DMD: variants seen among roughly 807,000 people sequenced by gnomAD.
The protein encoded by DMD is mutant dystrophin.
DMD carries 63 observed loss-of-function variants against 330.1 expected under a neutral mutation model. The observed-to-expected ratio is 0.19, with a 90% CI of 0.16 to 0.24. The LOEUF is 0.24. Ranked by LOEUF, DMD falls within the 10% of genes least tolerant of loss-of-function variation. DMD has a pLI of 1.00. For missense variants in DMD, 3,344 were observed against 2,684.1 expected (o/e 1.25, Z -5.43); for synonymous variants, 1,223 against 959.8 (o/e 1.27, Z -5.07).
At chrX:32,687,584 C>T (rs780135801) in intron 9 of DMD, among the ~76,000 whole-genome samples, 210 of 110,649 alleles carry the variant, frequency 1.9e-3, no homozygotes, top group Non-Finnish European at 3.4e-3. Context: ...TAAATAAGGC[C>T]ACATATACAT....
At chrX:31,842,387 A>C (rs749972184) in intron 48 of DMD, among the ~76,000 whole-genome samples, 2 of 112,420 alleles carry the variant, frequency 1.8e-5, no homozygotes, top group Non-Finnish European at 3.8e-5. Flanking sequence ...AGGGTTTAGA[A>C]TATTCTGTAA....
intron 30 of DMD, among the ~76,000 whole-genome samples, chrX:32,393,094 T>A (rs920956165): frequency 8.9e-6 from 1 of 112,240 alleles, no homozygotes; most frequent in Non-Finnish European, 1.9e-5. Context: ...AACACAGGCA[T>A]TAGTCCCTTC....
intron 43 of DMD, among the ~76,000 whole-genome samples, chrX:32,237,669 G>T (rs964547226): frequency 8.9e-6 from 1 of 111,874 alleles, no homozygotes; most frequent in South Asian, 3.7e-4. Flanking sequence ...AAATGAAAAT[G>T]ACATATATCA....
chrX:32,543,900 C>T (rs182640181), intron 17 of DMD, among the ~76,000 whole-genome samples: 33 of 111,811 alleles, frequency 3.0e-4, no homozygotes, highest in African/African-American at 9.7e-4. Context: ...CGTTGTAATG[C>T]GAAAGTAATC....
chrX:31,542,344 G>A (rs1158203653), intron 55 of DMD, among the ~76,000 whole-genome samples: 1 of 111,677 alleles, frequency 9.0e-6, no homozygotes, highest in Admixed American at 9.5e-5. Flanking sequence ...GATAACATTG[G>A]GAGAAGTAGT....
chrX:31,752,824 T>G (rs928937438), intron 51 of DMD, among the ~76,000 whole-genome samples: 5 of 111,479 alleles, frequency 4.5e-5, no homozygotes, highest in African/African-American at 1.6e-4. Flanking sequence ...TCATAAACAT[T>G]AAGCCTTCTT....
At chrX:33,298,099 A>G (rs1339267800) in intron 1 of DMD, among the ~76,000 whole-genome samples, 1 of 111,453 alleles carries the variant, frequency 9.0e-6, no homozygotes, top group Non-Finnish European at 1.9e-5. Context: ...AGTATCCCTA[A>G]ATGATTTCAA....
chrX:32,144,153 C>A (rs2096767642), intron 44 of DMD, among the ~76,000 whole-genome samples: 1 of 111,883 alleles, frequency 8.9e-6, no homozygotes, highest in South Asian at 3.7e-4. Flanking sequence ...GAAGATGCCG[C>A]AACTGATTTC....
At chrX:31,588,058 AT>A (rs1477608608) in intron 55 of DMD, among the ~76,000 whole-genome samples, 2 of 111,795 alleles carry the variant, frequency 1.8e-5, no homozygotes, top group Non-Finnish European at 3.8e-5. Flanking sequence ...GGTCATCTGC[AT>A]ATTAACAAGT....
chrX:32,899,506 G>A (rs142652320), intron 2 of DMD, among the ~76,000 whole-genome samples: 1,560 of 108,182 alleles, frequency 0.014, 29 homozygotes, highest in African/African-American at 0.05. Flanking sequence ...AAACCCCGTC[G>A]CTACTAAAAA....
At chrX:31,258,354 G>C (rs1006143466) in intron 63 of DMD, among the ~76,000 whole-genome samples, 1 of 112,201 alleles carries the variant, frequency 8.9e-6, no homozygotes, top group African/African-American at 3.2e-5. Flanking sequence ...CAATAGGCCC[G>C]CAATAAATGG....
At chrX:32,427,094 A>G (rs757086184) in intron 29 of DMD, among the ~76,000 whole-genome samples, 1 of 111,995 alleles carries the variant, frequency 8.9e-6, no homozygotes. Context: ...ATATATACCC[A>G]GAACATAAAA....
intron 41 of DMD, among the ~76,000 whole-genome samples, chrX:32,314,837 G>T (rs935305697): frequency 1.1e-4 from 12 of 111,850 alleles, no homozygotes; most frequent in African/African-American, 3.9e-4. Context: ...ACCACAACGA[G>T]ATAGCATCTC....
chrX:31,326,915 T>C (rs1056830758), intron 61 of DMD, among the ~76,000 whole-genome samples: 11 of 112,278 alleles, frequency 9.8e-5, no homozygotes, highest in African/African-American at 3.2e-4. Context: ...CTTATCTCAG[T>C]GTACCAGTGG....
chrX:32,343,222 C>T lies in DMD; in HGVS notation c.5651G>A (p.Arg1884Lys). The T allele has an allele frequency of 8.3e-7, 1 of 1,208,405 alleles. No homozygotes were observed. The highest frequency in any genetic ancestry group is 1.1e-6 in the Non-Finnish European group (1 of 892,842). ...GCATTTCAGGAGATCATCAGCCTGC[C>T]TCTTGTACTGATACCACTGATGAGA... Reference protein sequence around the residue: ...EISHQWYQYKRQADDLLKCLD... With the variant: ...EISHQWYQYKKQADDLLKCLD... Residue 1884 changes from arginine to lysine, a missense_variant, in exon 40 of 79, where the codon AGG becomes AAG. Coordinates refer to ENST00000357033, the MANE Select transcript of DMD (RefSeq NM_004006.3).
chrX:31,204,290 A>T (rs181887584), intron 66 of DMD, among the ~76,000 whole-genome samples, 172 bp from the exon 67 acceptor site: 1 of 112,631 alleles, frequency 8.9e-6, no homozygotes, highest in Admixed American at 9.4e-5. Flanking sequence ...TTTATGAATC[A>T]AGTTAATGAT....
chrX:32,348,392 C>G lies in DMD; in HGVS notation c.5448+14G>C. 1 of 1,205,209 alleles carries G rather than the reference C, an allele frequency of 8.3e-7. No individual in the cohort carries two copies. On this transcript the variant is annotated intron_variant, in intron 38 of 78. Transcript: ENST00000357033. ...ACTCCTAGTTCATTCACACTTTTAT[C>G]ACAACCAATTTACCATATCTTTATT...
chrX:31,969,676 A>G (rs1421742728), intron 44 of DMD, among the ~76,000 whole-genome samples: 1 of 111,499 alleles, frequency 9.0e-6, no homozygotes, highest in Non-Finnish European at 1.9e-5. Flanking sequence ...TTTCACATAC[A>G]TTTCTTGGCT....
At chrX:31,330,971 G>T (rs904571801) in intron 61 of DMD, among the ~76,000 whole-genome samples, 1 of 111,961 alleles carries the variant, frequency 8.9e-6, no homozygotes, top group Non-Finnish European at 1.9e-5. Context: ...CAAAAGTAAA[G>T]ATTCAATGAA....
Sources: gnomAD v4.1 joint callset for allele counts (sites outside exome capture counted in the v4.1 genomes callset) on GRCh38, gnomAD v4.1.1 for gene constraint, MANE v1.5 for transcripts, NCBI Gene and HGNC (gene_info 2026-07-23, HGNC 2026-07-21) for gene names.